Variants in DPYSL3 observed in about 807,000 individuals in gnomAD.
DPYSL3 encodes the protein dihydropyrimidinase like 3.
Under a neutral mutation model 66.1 loss-of-function variants are expected in DPYSL3, and 16 were observed. That is an observed-to-expected ratio of 0.24 (90% confidence interval 0.16 to 0.37). The LOEUF is 0.37. Among genes scored for constraint, DPYSL3 ranks in the 10% least tolerant of loss-of-function variants. DPYSL3 has a pLI of 1.00. For missense variants in DPYSL3, 738 were observed against 916.2 expected (o/e 0.81, Z 2.51); for synonymous variants, 338 against 345.1 (o/e 0.98, Z 0.23).
intron 1 of DPYSL3, among the ~76,000 whole-genome samples, chr5:147,431,122 C>G (rs1159141357): frequency 6.6e-6 from 1 of 152,178 alleles, no homozygotes; most frequent in East Asian, 1.9e-4. Flanking sequence ...CACTTTCACT[C>G]TTAAGAAAAC....
chr5:147,402,665 C>A (rs1389339330), intron 8 of DPYSL3, among the ~76,000 whole-genome samples: 5 of 151,322 alleles, frequency 3.3e-5, no homozygotes. Context: ...TTTTTTTTAT[C>A]ATGTTTGTTA....
intron 1 of DPYSL3, among the ~76,000 whole-genome samples, chr5:147,460,778 G>T (rs1752919588): frequency 6.6e-6 from 1 of 152,128 alleles, no homozygotes; most frequent in South Asian, 2.1e-4. Context: ...CCAAATTCTG[G>T]ATCTGAGCTA....
chr5:147,410,795 A>G (rs561333411), intron 6 of DPYSL3, among the ~76,000 whole-genome samples: 1 of 152,188 alleles, frequency 6.6e-6, no homozygotes, highest in African/African-American at 2.4e-5. Context: ...AGCTGCCTTC[A>G]TTTAAACAAT....
At chr5:147,432,327 C>A (rs1432851021) in intron 1 of DPYSL3, among the ~76,000 whole-genome samples, 1 of 152,166 alleles carries the variant, frequency 6.6e-6, no homozygotes, top group Non-Finnish European at 1.5e-5. Context: ...TAGCCCAGGG[C>A]AGCATTAATC....
At position 147,460,647 on chromosome 5, in the gene DPYSL3, G is replaced by A. The variant is rs562760644; in HGVS notation, c.382-35684C>T. Among the ~76,000 whole-genome samples, 11 of 152,310 alleles carry A rather than the reference G, an allele frequency of 7.2e-5. 1 individual carries two copies. In the South Asian group the frequency reaches 1.9e-3, roughly 26 times the overall value. ...CAAGAGTCACTGTGTCTAGACACCA[G>A]TATCTGTCTGTGTTTAGACAACCAA... is the stretch of plus-strand genomic sequence containing the variant. On this transcript the variant is annotated intron_variant, in intron 1 of 13. Coordinates refer to ENST00000343218, the MANE Select transcript of DPYSL3 (RefSeq NM_001197294.2).
chr5:147,455,150 A>G (rs17106765), intron 1 of DPYSL3, among the ~76,000 whole-genome samples: 7,350 of 152,236 alleles, frequency 0.048, 602 homozygotes, highest in African/African-American at 0.17. Context: ...TAAAGTGAAG[A>G]CGTGCTTGCG....
chr5:147,406,581 G>A (rs2152019173), intron 7 of DPYSL3, among the ~76,000 whole-genome samples: 1 of 152,236 alleles, frequency 6.6e-6, no homozygotes, highest in African/African-American at 2.4e-5. Flanking sequence ...TTCCTAATGG[G>A]GAAACAAGGT....
rs370899306 is a variant in DPYSL3, at chr5:147,397,735, C to T, written c.1734G>A (p.Gly578=). 10 of 1,614,036 alleles carry T rather than the reference C, an allele frequency of 6.2e-6. No homozygotes were observed. In the African/African-American group the frequency reaches 1.3e-4, roughly 22 times the overall value. The change falls in exon 12 of 14, where the codon GGG becomes GGA. Residue 578 remains glycine (G), a synonymous_variant. Transcript: ENST00000343218. ...LEDGNLHVTQ[G]AGRFIPCSPF... ...GGCTGCAGGGTATGAAGCGGCCAGC[C>T]CCCTGGGTCACGTGCAGGTTGCCAT...
chr5:147,423,373 C>T (rs2126326093), intron 2 of DPYSL3, among the ~76,000 whole-genome samples: 1 of 152,284 alleles, frequency 6.6e-6, no homozygotes, highest in African/African-American at 2.4e-5. Flanking sequence ...TTGACTAATA[C>T]ATTAACTTTT....
At chr5:147,418,831 T>C (rs539702451) in intron 2 of DPYSL3, among the ~76,000 whole-genome samples, 200 bp from the exon 3 acceptor site, 46 of 152,232 alleles carry the variant, frequency 3.0e-4, no homozygotes, top group South Asian at 1.4e-3. Flanking sequence ...AGTCACAGAA[T>C]GATCTGATAT....
chr5:147,440,216 T>A (rs1029176737), intron 1 of DPYSL3, among the ~76,000 whole-genome samples: 66 of 152,216 alleles, frequency 4.3e-4, no homozygotes, highest in African/African-American at 1.3e-3. Context: ...GGCAGGAGAA[T>A]GGCATGAACC....
chr5:147,502,479 T>C (rs1753626225), intron 1 of DPYSL3, among the ~76,000 whole-genome samples: 1 of 152,172 alleles, frequency 6.6e-6, no homozygotes, highest in Admixed American at 6.5e-5. Context: ...AAACGATGTT[T>C]ATGTTTTCTT....
At chr5:147,466,831 C>T (rs1484749213) in intron 1 of DPYSL3, among the ~76,000 whole-genome samples, 1 of 152,130 alleles carries the variant, frequency 6.6e-6, no homozygotes, top group Non-Finnish European at 1.5e-5. Context: ...GGCCATTGGC[C>T]TCATTAGTTC....
intron 1 of DPYSL3, among the ~76,000 whole-genome samples, chr5:147,426,672 G>C (rs940243821): frequency 6.6e-6 from 1 of 152,162 alleles, no homozygotes; most frequent in Non-Finnish European, 1.5e-5. Flanking sequence ...AGCTTTCAAA[G>C]AGGATATAAA....
chr5:147,446,834 G>T (rs181923577), intron 1 of DPYSL3, among the ~76,000 whole-genome samples: 1 of 152,220 alleles, frequency 6.6e-6, no homozygotes, highest in Non-Finnish European at 1.5e-5. Context: ...GATGTGACAG[G>T]GTTGGCCAGA....
At chr5:147,395,376 C>T (rs1052733846) in intron 13 of DPYSL3, among the ~76,000 whole-genome samples, 183 bp downstream of exon 13, 2 of 152,144 alleles carry the variant, frequency 1.3e-5, no homozygotes, top group African/African-American at 4.8e-5. Context: ...ACTTTCTTAC[C>T]AGGACCCCTT....
intron 2 of DPYSL3, among the ~76,000 whole-genome samples, chr5:147,421,744 A>C (rs191458006): frequency 5.9e-5 from 9 of 152,314 alleles, no homozygotes; most frequent in Admixed American, 2.6e-4. Flanking sequence ...AACCCGACAA[A>C]AGTAAGCAAC....
intron 7 of DPYSL3, among the ~76,000 whole-genome samples, chr5:147,408,285 C>G (rs1490587550): frequency 6.6e-6 from 1 of 152,154 alleles, no homozygotes; most frequent in Non-Finnish European, 1.5e-5. Flanking sequence ...CATAAATAAG[C>G]ATTCATTTTA....
chr5:147,478,880 A>T (rs1313356302), intron 1 of DPYSL3, among the ~76,000 whole-genome samples: 1 of 152,120 alleles, frequency 6.6e-6, no homozygotes, highest in African/African-American at 2.4e-5. Context: ...CAGCCTCGGG[A>T]CACTGTCTCC....
Sources: allele counts gnomAD v4.1 joint callset (sites outside exome capture counted in the v4.1 genomes callset), GRCh38; gene constraint gnomAD v4.1.1; transcripts MANE v1.5; gene names NCBI Gene and HGNC (gene_info 2026-07-23, HGNC 2026-07-21).